Variants in ENTHD1 observed in about 807,000 individuals in gnomAD.
ENTHD1 encodes ENTH domain-containing protein 1.
A neutral mutation model predicts 39.1 loss-of-function variants in ENTHD1; 23 were observed. The observed-to-expected ratio is 0.59, with a 90% CI of 0.42 to 0.83. ENTHD1 has a LOEUF of 0.83. Among genes scored for constraint, ENTHD1 ranks in the 40% least tolerant of loss-of-function variants. ENTHD1 has a pLI of 0.00. For synonymous variants in ENTHD1, 230 were observed against 258.2 expected, an observed-to-expected ratio of 0.89 and a Z score of 1.05; for missense variants, 624 against 705.4, an observed-to-expected ratio of 0.88 and a Z score of 1.31.
chr22:39,766,009 C>T (rs901573737), intron 5 of ENTHD1, among the ~76,000 whole-genome samples: 1 of 86,378 alleles, frequency 1.2e-5, no homozygotes, highest in African/African-American at 4.1e-5. Flanking sequence ...CCTTACAGAA[C>T]CCTCAGCTAC....
chr22:39,834,214 AAATAT>A (rs2065892047), intron 4 of ENTHD1, among the ~76,000 whole-genome samples: 1 of 152,216 alleles, frequency 6.6e-6, no homozygotes, highest in African/African-American at 2.4e-5. Flanking sequence ...AACGGAGAGA[AAATAT>A]ACACAGATCA....
chr22:39,780,260 C>A (rs1300958150), intron 5 of ENTHD1, among the ~76,000 whole-genome samples: 1 of 151,856 alleles, frequency 6.6e-6, no homozygotes, highest in African/African-American at 2.4e-5. Flanking sequence ...GCCTGTAGTC[C>A]CAGCTACCCA....
chr22:39,859,961 G>A (rs1021107177), intron 3 of ENTHD1, among the ~76,000 whole-genome samples: 6 of 152,248 alleles, frequency 3.9e-5, no homozygotes, highest in African/African-American at 1.4e-4. Flanking sequence ...ATTCAGGTCT[G>A]TTTGAAGATT....
intron 4 of ENTHD1, among the ~76,000 whole-genome samples, chr22:39,830,274 C>T (rs2065858830): frequency 6.6e-6 from 1 of 152,028 alleles, no homozygotes; most frequent in Non-Finnish European, 1.5e-5. Context: ...GGGGTTTCAC[C>T]ATGTTGGCCA....
chr22:39,849,146 C>A (rs902567746), intron 3 of ENTHD1, among the ~76,000 whole-genome samples: 4 of 152,144 alleles, frequency 2.6e-5, no homozygotes, highest in Non-Finnish European at 5.9e-5. Context: ...CTCCACCTTA[C>A]TCTATTTTAG....
intron 6 of ENTHD1, among the ~76,000 whole-genome samples, chr22:39,764,945 T>C (rs1192683890): frequency 1.3e-5 from 2 of 152,104 alleles, no homozygotes; most frequent in African/African-American, 4.8e-5. Context: ...ACTAGTTCCT[T>C]CTAATTTGGT....
rs4613390 is a variant in ENTHD1, at chr22:39,756,342, A to G, written c.1219+8881T>C. On this transcript the variant is annotated intron_variant, in intron 6 of 6. Coordinates refer to ENST00000325157, the MANE Select transcript of ENTHD1 (RefSeq NM_152512.4). ...CACACACACACACACACACACACGC[A>G]CACACTTTTTCAGAGAGAGTCTCAC... Among the ~76,000 whole-genome samples the G allele has an allele frequency of 5.0e-3, 747 of 147,942 alleles. 10 individuals carry two copies. The highest frequency in any genetic ancestry group is 0.017 in the African/African-American group (678 of 39,086).
At chr22:39,884,956 T>C (rs1837944874) in intron 2 of ENTHD1, among the ~76,000 whole-genome samples, 2 of 152,208 alleles carry the variant, frequency 1.3e-5, no homozygotes, top group African/African-American at 2.4e-5. Flanking sequence ...CCATAGTTTC[T>C]TATATATGAC....
chr22:39,815,882 C>T (rs1047953330), intron 5 of ENTHD1, among the ~76,000 whole-genome samples: 10 of 152,118 alleles, frequency 6.6e-5, no homozygotes, highest in Non-Finnish European at 5.9e-5. Context: ...AATGACTCTA[C>T]TTATATAAAG....
chr22:39,781,987 A>G (rs116238775), intron 5 of ENTHD1, among the ~76,000 whole-genome samples: 15,730 of 152,204 alleles, frequency 0.1, 948 homozygotes, highest in Middle Eastern at 0.14. Flanking sequence ...CAATAAGCCA[A>G]TAATAAGTAA....
At chr22:39,822,188 T>G (rs2065787997) in intron 4 of ENTHD1, among the ~76,000 whole-genome samples, 1 of 148,492 alleles carries the variant, frequency 6.7e-6, no homozygotes, top group Admixed American at 6.7e-5. Flanking sequence ...GTTTAGCTGG[T>G]ATGTCTTTTT....
At chr22:39,872,948 GC>G (rs959867402) in intron 2 of ENTHD1, among the ~76,000 whole-genome samples, 3 of 149,772 alleles carry the variant, frequency 2.0e-5, no homozygotes, top group Non-Finnish European at 3.0e-5. Context: ...TTCCACCTCA[GC>G]CCCCCATCAG....
At chr22:39,779,180 G>C (rs2065388625) in intron 5 of ENTHD1, among the ~76,000 whole-genome samples, 2 of 152,082 alleles carry the variant, frequency 1.3e-5, no homozygotes, top group South Asian at 2.1e-4. Context: ...GGCCGGGCAT[G>C]GTGGTGAGTG....
chr22:39,864,727 A>G (rs1432034461), intron 2 of ENTHD1, among the ~76,000 whole-genome samples: 1 of 152,118 alleles, frequency 6.6e-6, no homozygotes, highest in East Asian at 1.9e-4. Context: ...CCCTGTCTCT[A>G]CTACAAACAC....
At chr22:39,753,592 C>T (rs1601567887) in intron 6 of ENTHD1, among the ~76,000 whole-genome samples, 1 of 152,134 alleles carries the variant, frequency 6.6e-6, no homozygotes, top group African/African-American at 2.4e-5. Context: ...GTTATAATGC[C>T]AGACCTGGAC....
chr22:39,875,269 A>G (rs1025123937), intron 2 of ENTHD1: 2 of 1,209,050 alleles, frequency 1.7e-6, no homozygotes, highest in African/African-American at 1.6e-5. Flanking sequence ...AACAAATGCA[A>G]CAAATCTATA....
rs996745958 is a variant in ENTHD1 at position 39,759,668 on chromosome 22, C to T, written c.1219+5555G>A. 2.0e-5 allele frequency among the ~76,000 whole-genome samples: 3 copies of T among 151,850 alleles called. No homozygotes were observed. In the South Asian group the frequency reaches 6.2e-4, roughly 32 times the overall value. On this transcript the variant is annotated intron_variant, in intron 6 of 6. Transcript: ENST00000325157. ...CATCTTAAGTTAGAACCTTCTATTACTGATTTTTAAGGCATTCTTCCTTTC... is the reference window on the plus strand; with the variant it reads ...CATCTTAAGTTAGAACCTTCTATTATTGATTTTTAAGGCATTCTTCCTTTC...
intron 5 of ENTHD1, among the ~76,000 whole-genome samples, chr22:39,815,125 T>G (rs992112786): frequency 3.9e-5 from 6 of 152,298 alleles, no homozygotes; most frequent in Non-Finnish European, 8.8e-5. Context: ...ATGAAATGTG[T>G]CGACATATGA....
At chr22:39,760,865 T>A (rs1188066110) in intron 6 of ENTHD1, among the ~76,000 whole-genome samples, 1 of 152,104 alleles carries the variant, frequency 6.6e-6, no homozygotes, top group Non-Finnish European at 1.5e-5. Flanking sequence ...TATAGAAATC[T>A]TTCAATGGTA....
Sources: allele counts gnomAD v4.1 joint callset (sites outside exome capture counted in the v4.1 genomes callset), GRCh38; gene constraint gnomAD v4.1.1; transcripts MANE v1.5; gene names NCBI Gene and HGNC (gene_info 2026-07-23, HGNC 2026-07-21).